Variants in USP9X observed in about 807,000 individuals in gnomAD.
The protein encoded by USP9X is ubiquitin carboxyl-terminal hydrolase 9X.
Under a neutral mutation model 190.3 loss-of-function variants are expected in USP9X, and 7 were observed. The observed-to-expected ratio is 0.04, with a 90% CI of 0.02 to 0.07. The LOEUF is 0.07. Among genes scored for constraint, USP9X ranks in the 10% least tolerant of loss-of-function variants. The pLI is 1.00. For missense variants in USP9X, 1,010 were observed against 1,916.9 expected, an observed-to-expected ratio of 0.53 and a Z score of 8.83; for synonymous variants, 645 against 659.5, an observed-to-expected ratio of 0.98 and a Z score of 0.34.
At chrX:41,146,427 C>G (rs763341415) in intron 11 of USP9X, among the ~76,000 whole-genome samples, 21 of 112,059 alleles carry the variant, frequency 1.9e-4, no homozygotes, top group African/African-American at 6.8e-4. Context: ...CAAATGATTC[C>G]AACCTTCTGG....
Position 41,148,407 on chromosome X carries a change from G to A in USP9X, c.1458G>A (p.Lys486=). Residue 486 remains lysine (K), a synonymous_variant, in exon 12 of 45, where the codon AAG becomes AAA. Coordinates refer to ENST00000378308, the MANE Select transcript of USP9X (RefSeq NM_001039591.3). ...ATGCGAGTAAAAAGCAACGTGAAAA[G>A]CTACTTGAGCTGATACGTCGTCTTG... ...WTNASKKQRE[K]LLELIRRLAE... is the part of the protein sequence containing the mutation. 3 of 1,211,749 alleles carry A rather than the reference G, an allele frequency of 2.5e-6. No individual in the cohort carries two copies. The highest frequency in any genetic ancestry group is 3.3e-6 in the Non-Finnish European group (3 of 895,549).
chrX:41,218,276 C>CT, intron 36 of USP9X, 96 bp from the exon 37 acceptor site: 4 of 867,484 alleles, frequency 4.6e-6, no homozygotes, highest in Non-Finnish European at 6.5e-6. Context: ...AGAGGAAGAT[C>CT]TTTGTCTTTT....
At chrX:41,224,601 A>C (rs937437974) in intron 39 of USP9X, 141 bp from the exon 40 acceptor site, 8 of 496,352 alleles carry the variant, frequency 1.6e-5, no homozygotes, top group African/African-American at 2.4e-5. Flanking sequence ...GCCCCATTGC[A>C]CTCCAGCCTG....
At chrX:41,106,951 A>G (rs2062074684) in intron 1 of USP9X, among the ~76,000 whole-genome samples, 1 of 92,551 alleles carries the variant, frequency 1.1e-5, no homozygotes, top group Non-Finnish European at 2.1e-5. Flanking sequence ...CAGTGGTGTG[A>G]TCTCGGCTCA....
At chrX:41,123,270 C>T (rs987722257) in intron 1 of USP9X, among the ~76,000 whole-genome samples, 7 of 111,649 alleles carry the variant, frequency 6.3e-5, no homozygotes, top group African/African-American at 2.3e-4. Flanking sequence ...TGTTTGTTTT[C>T]TTGGTATAAT....
intron 1 of USP9X, among the ~76,000 whole-genome samples, chrX:41,102,899 C>T (rs780910735): frequency 3.6e-4 from 40 of 110,727 alleles, no homozygotes; most frequent in Admixed American, 1.1e-3. Flanking sequence ...TTCAAACAAT[C>T]TCCCTGCTTC....
intron 2 of USP9X, among the ~76,000 whole-genome samples, chrX:41,127,468 T>C (rs1479653965): frequency 8.9e-6 from 1 of 112,432 alleles, no homozygotes; most frequent in African/African-American, 3.2e-5. Flanking sequence ...TTATTTTTTA[T>C]ATTTTCTATG....
chrX:41,220,325 C>T (rs1170804211), intron 38 of USP9X, among the ~76,000 whole-genome samples: 1 of 112,174 alleles, frequency 8.9e-6, no homozygotes, highest in East Asian at 2.8e-4. Context: ...ATTGCCTGTT[C>T]ACAAAGCACA....
intron 1 of USP9X, among the ~76,000 whole-genome samples, chrX:41,118,795 G>T (rs1229112672): frequency 8.9e-6 from 1 of 111,908 alleles, no homozygotes; most frequent in Non-Finnish European, 1.9e-5. Context: ...AATTCTAGAC[G>T]TGTAGAGCCA....
intron 25 of USP9X, 89 bp from the exon 26 acceptor site, chrX:41,189,220 C>A: frequency 1.0e-6 from 1 of 969,359 alleles, no homozygotes; most frequent in Non-Finnish European, 1.4e-6. Context: ...TTTAAGTGAG[C>A]AGATGAGTTT....
chrX:41,204,336 T>A (rs781750023), intron 31 of USP9X, among the ~76,000 whole-genome samples: 1 of 111,738 alleles, frequency 8.9e-6, no homozygotes, highest in South Asian at 3.7e-4. Context: ...GCAGATACTT[T>A]CTTTTGTTGC....
At position 41,180,960 on chromosome X, in the gene USP9X, T is replaced by C. The variant is rs370010611; in HGVS notation, c.3149-3038T>C. On this transcript the variant is annotated intron_variant, in intron 21 of 44. Transcript: ENST00000378308. Reference sequence around the variant, plus strand: ...TAATGATTCTCTCTTTCCCCTCCATTTAAAATACATCCAAGAGTGCACAAA... The same window carrying C: ...TAATGATTCTCTCTTTCCCCTCCATCTAAAATACATCCAAGAGTGCACAAA... Among the ~76,000 whole-genome samples, 21 of 111,700 alleles carry C rather than the reference T, an allele frequency of 1.9e-4. No individual in the cohort carries two copies. In the East Asian group the frequency reaches 2.0e-3, roughly 10 times the overall value.
intron 44 of USP9X, 22 bp from the exon 45 acceptor site, chrX:41,232,365 C>G: frequency 5.0e-6 from 6 of 1,197,617 alleles, no homozygotes; most frequent in Non-Finnish European, 6.8e-6. Context: ...TTTTAACATA[C>G]AGATCTTTTC....
At chrX:41,089,156 A>G (rs991934051) in intron 1 of USP9X, among the ~76,000 whole-genome samples, 6 of 112,352 alleles carry the variant, frequency 5.3e-5, no homozygotes, top group Non-Finnish European at 1.1e-4. Context: ...AAATAAGAAA[A>G]TGGATTTTTT....
At chrX:41,102,069 G>T (rs2062038049) in intron 1 of USP9X, among the ~76,000 whole-genome samples, 1 of 111,426 alleles carries the variant, frequency 9.0e-6, no homozygotes, top group African/African-American at 3.3e-5. Context: ...ATCGATTTTG[G>T]TGATAATTGT....
chrX:41,230,894 T>G, intron 44 of USP9X, among the ~76,000 whole-genome samples: 1 of 111,560 alleles, frequency 9.0e-6, no homozygotes, highest in Non-Finnish European at 1.9e-5. Flanking sequence ...TGCAAAGGAT[T>G]GTGGTGACAT....
intron 23 of USP9X, 131 bp from the exon 24 acceptor site, chrX:41,186,386 T>G: frequency 1.4e-6 from 1 of 729,885 alleles, no homozygotes; most frequent in Middle Eastern, 4.8e-4. Flanking sequence ...TTGTGTAAGT[T>G]GCCACAGGTT....
At position 41,088,526 on chromosome X, in the gene USP9X, A is replaced by G. The variant is rs778976267; in HGVS notation, c.-159+2417A>G. On this transcript the variant is annotated intron_variant, in intron 1 of 44. Transcript: ENST00000378308. The stretch of plus-strand genomic sequence containing the variant: ...TCTAACGTTTTAGTTTCAAAATTTT[A>G]GTATTAAAACCAATCTTTGTTTAAA... 2.7e-5 allele frequency among the ~76,000 whole-genome samples: 3 copies of G among 112,448 alleles called. No individual in the cohort carries two copies. In the South Asian group the frequency reaches 1.1e-3, roughly 41 times the overall value.
At chrX:41,113,559 A>G (rs1360648816) in intron 1 of USP9X, among the ~76,000 whole-genome samples, 2 of 112,288 alleles carry the variant, frequency 1.8e-5, no homozygotes, top group East Asian at 5.6e-4. Context: ...TTAGCTGAAA[A>G]GATGCTGCTT....
Sources: gnomAD v4.1 joint callset for allele counts (sites outside exome capture counted in the v4.1 genomes callset) on GRCh38, gnomAD v4.1.1 for gene constraint, MANE v1.5 for transcripts, NCBI Gene and HGNC (gene_info 2026-07-23, HGNC 2026-07-21) for gene names.